TENM4: variants seen among roughly 807,000 people sequenced by gnomAD.
TENM4 encodes the protein teneurin transmembrane protein 4.
A neutral mutation model predicts 243.3 loss-of-function variants in TENM4; 82 were observed. The ratio of observed to expected loss-of-function variants is 0.34; its 90% CI spans 0.28 to 0.40. The LOEUF (loss-of-function observed/expected upper bound fraction) is 0.40, where lower values mean the gene tolerates loss of function less well. Ranked by LOEUF, TENM4 falls within the 10% of genes least tolerant of loss-of-function variation. The pLI is 1.00. For synonymous variants in TENM4, 1,412 were observed against 1,456.3 expected (o/e 0.97, Z 0.69); for missense variants, 3,138 against 3,673.3 (o/e 0.85, Z 3.77).
chr11:78,889,849 C>T lies in TENM4; in HGVS notation c.1020G>A (p.Lys340=), dbSNP rs893590381. ...LKKPSKYCNW[K]CAALSAIVIS... Reference sequence around the variant, plus strand: ...TGACGATGGCGCTCAGGGCTGCGCACTTCCAGTTACAGTACTTGGAGGGCT... The same window carrying T: ...TGACGATGGCGCTCAGGGCTGCGCATTTCCAGTTACAGTACTTGGAGGGCT... Residue 340 remains lysine, a synonymous_variant, in exon 9 of 34, where the codon AAG becomes AAA. Transcript: ENST00000278550. 3 of 1,551,764 alleles carry T rather than the reference C, an allele frequency of 1.9e-6. No individual in the cohort carries two copies. In the Admixed American group the frequency reaches 5.9e-5, roughly 30 times the overall value.
rs142433075 is a variant in TENM4, at chr11:79,193,923, T to G, written c.-163+21885A>C. On this transcript the variant is annotated intron_variant, in intron 3 of 33. Transcript: ENST00000278550. The stretch of plus-strand genomic sequence containing the variant: ...AGACATCCAGACAGGGCCATGGGAG[T>G]GGAGAGCAGGGGTAATATGGTTTGG... Among the ~76,000 whole-genome samples the G allele has an allele frequency of 1.6e-3, 236 of 151,486 alleles. 1 individual carries two copies. The highest frequency in any genetic ancestry group is 2.8e-3 in the Non-Finnish European group (192 of 67,878).
intron 1 of TENM4, among the ~76,000 whole-genome samples, chr11:79,327,693 T>G (rs1185276627): frequency 6.6e-6 from 1 of 151,110 alleles, no homozygotes; most frequent in African/African-American, 2.4e-5. Context: ...CTGTACCCTT[T>G]GCCCCAAACC....
At chr11:78,927,420 G>C (rs906948636) in intron 6 of TENM4, among the ~76,000 whole-genome samples, 1 of 152,182 alleles carries the variant, frequency 6.6e-6, no homozygotes, top group Admixed American at 6.5e-5. Context: ...AATTAAGCAG[G>C]TGTCAAGAAA....
rs1486166660 is a variant in TENM4 at position 79,069,711 on chromosome 11, C to T, written c.223+11G>A. The T allele has an allele frequency of 6.5e-7, 1 of 1,548,002 alleles. No homozygotes were observed. The highest frequency in any genetic ancestry group is 2.0e-5 in the Admixed American group (1 of 50,954). ...TGCGCCTGAGGCCCGCCCCCTCGGC[C>T]TTGTCCTTACCTGTGCGGCAGAATT... On this transcript the variant is annotated intron_variant, in intron 5 of 33. Coordinates refer to ENST00000278550, the MANE Select transcript of TENM4 (RefSeq NM_001098816.3).
intron 1 of TENM4, among the ~76,000 whole-genome samples, chr11:79,331,522 T>G (rs563025857): frequency 6.6e-6 from 1 of 152,268 alleles, no homozygotes; most frequent in African/African-American, 2.4e-5. Context: ...GACCATGCCT[T>G]TCCACTCTGT....
intron 3 of TENM4, among the ~76,000 whole-genome samples, chr11:79,195,495 T>G (rs1863606951): frequency 6.6e-6 from 1 of 152,192 alleles, no homozygotes; most frequent in African/African-American, 2.4e-5. Context: ...AACCCAGCTC[T>G]TGCATCAGTG....
intron 6 of TENM4, among the ~76,000 whole-genome samples, chr11:78,920,408 C>T (rs537850979): frequency 9.8e-5 from 15 of 152,302 alleles, no homozygotes; most frequent in South Asian, 4.1e-4. Context: ...GTAATATTAA[C>T]GTCCATTTCC....
chr11:79,162,026 C>A (rs1023535453), intron 3 of TENM4, among the ~76,000 whole-genome samples: 1 of 152,168 alleles, frequency 6.6e-6, no homozygotes, highest in Non-Finnish European at 1.5e-5. Context: ...ACCTGCCTCA[C>A]CCAGTACCCC....
chr11:79,099,455 C>G (rs1312902764), intron 4 of TENM4, among the ~76,000 whole-genome samples: 2 of 152,254 alleles, frequency 1.3e-5, no homozygotes, highest in Non-Finnish European at 2.9e-5. Flanking sequence ...GTCATTTCCC[C>G]TCCCAAAGCA....
At position 78,895,856 on chromosome 11, in the gene TENM4, C is replaced by G. The variant is rs571766255; in HGVS notation, c.750-4520G>C. Among the ~76,000 whole-genome samples, 10 of 152,316 alleles carry G rather than the reference C, an allele frequency of 6.6e-5. 1 individual carries two copies. The South Asian group carries it at 2.1e-3, about 32-fold the overall frequency. On this transcript the variant is annotated intron_variant, in intron 7 of 33. Coordinates refer to ENST00000278550, the MANE Select transcript of TENM4 (RefSeq NM_001098816.3). ...ACCAGATCTCTCTGACCTCACAGCC[C>G]TGAGCTGCCTCTCAGGAAAGAGGTT...
rs1437194223 is a variant in TENM4, at chr11:79,421,253, A to G, written c.-321+19256T>C. On this transcript the variant is annotated intron_variant, in intron 1 of 33. Coordinates refer to ENST00000278550, the MANE Select transcript of TENM4 (RefSeq NM_001098816.3). Reference sequence around the variant, plus strand: ...TCTATATGTTTTCATAAATAAAGTCACCCCCCCTCAAAAAAAAGGTAGGGC... The same window carrying G: ...TCTATATGTTTTCATAAATAAAGTCGCCCCCCCTCAAAAAAAAGGTAGGGC... Among the ~76,000 whole-genome samples the G allele has an allele frequency of 3.3e-5, 5 of 151,194 alleles. No homozygotes were observed. The East Asian group carries it at 7.8e-4, about 24-fold the overall frequency.
At chr11:78,844,718 G>A (rs1009636929) in intron 12 of TENM4, among the ~76,000 whole-genome samples, 4 of 151,946 alleles carry the variant, frequency 2.6e-5, no homozygotes, top group Non-Finnish European at 4.4e-5. Flanking sequence ...ACATGAGGAC[G>A]AGGACAAAGC....
rs550677934 is a variant in TENM4 at position 79,180,590 on chromosome 11, G to T, written c.-162-31784C>A. Among the ~76,000 whole-genome samples, 3 of 151,716 alleles carry T rather than the reference G, an allele frequency of 2.0e-5. No homozygotes were observed. In the South Asian group the frequency reaches 6.3e-4, roughly 32 times the overall value. ...CTTCTGAAACACTTAGTAATTGTGC[G>T]TGGGGTTAATCATAACTATACTTAT... On this transcript the variant is annotated intron_variant, in intron 3 of 33. Coordinates refer to ENST00000278550, the MANE Select transcript of TENM4 (RefSeq NM_001098816.3).
chr11:78,962,816 G>A (rs1403642157), intron 6 of TENM4, among the ~76,000 whole-genome samples: 1 of 152,236 alleles, frequency 6.6e-6, no homozygotes, highest in Non-Finnish European at 1.5e-5. Context: ...CTATTACTGA[G>A]ATTTTATTCC....
At chr11:79,203,484 A>G (rs1413198112) in intron 3 of TENM4, among the ~76,000 whole-genome samples, 1 of 152,274 alleles carries the variant, frequency 6.6e-6, no homozygotes, top group African/African-American at 2.4e-5. Context: ...CCTGAAATTA[A>G]GGATAGTACC....
chr11:79,280,380 A>G (rs1292004046), intron 2 of TENM4, among the ~76,000 whole-genome samples: 1 of 152,154 alleles, frequency 6.6e-6, no homozygotes, highest in Non-Finnish European at 1.5e-5. Flanking sequence ...CCTGCCACCC[A>G]CTAAGTGAAG....
At chr11:79,197,223 A>G (rs891412215) in intron 3 of TENM4, among the ~76,000 whole-genome samples, 1 of 144,512 alleles carries the variant, frequency 6.9e-6, no homozygotes, top group Non-Finnish European at 1.6e-5. Context: ...TGTTTCTTCA[A>G]GTGGTATCAT....
At chr11:78,930,703 A>G (rs1299351644) in intron 6 of TENM4, among the ~76,000 whole-genome samples, 3 of 152,268 alleles carry the variant, frequency 2.0e-5, no homozygotes, top group Admixed American at 6.5e-5. Context: ...ACTGCAGATT[A>G]CCAGGCAAAG....
intron 6 of TENM4, among the ~76,000 whole-genome samples, chr11:78,988,918 C>G (rs1277692395): frequency 2.6e-5 from 4 of 152,194 alleles, no homozygotes; most frequent in African/African-American, 9.7e-5. Flanking sequence ...CTCAAGTGAT[C>G]CTCCTGCCTT....
Sources: gnomAD v4.1 joint callset for allele counts (sites outside exome capture counted in the v4.1 genomes callset) on GRCh38, gnomAD v4.1.1 for gene constraint, MANE v1.5 for transcripts, NCBI Gene and HGNC (gene_info 2026-07-23, HGNC 2026-07-21) for gene names.